Variants in RABGAP1 observed in about 807,000 individuals in gnomAD.
The protein encoded by RABGAP1 is RAB GTPase activating protein 1.
A neutral mutation model predicts 137.6 loss-of-function variants in RABGAP1; 23 were observed. The observed-to-expected ratio is 0.17, with a 90% CI of 0.12 to 0.24. The LOEUF is 0.24. Ranked by LOEUF, RABGAP1 falls within the 10% of genes least tolerant of loss-of-function variation. RABGAP1 has a pLI of 1.00. For missense variants in RABGAP1, 906 were observed against 1,275.8 expected (o/e 0.71, Z 4.42); for synonymous variants, 451 against 450.7 (o/e 1.00, Z -0.01).
intron 11 of RABGAP1, among the ~76,000 whole-genome samples, chr9:123,014,624 C>A (rs1462927586): frequency 6.6e-6 from 1 of 150,520 alleles, no homozygotes; most frequent in Non-Finnish European, 1.5e-5. Flanking sequence ...CATACCCGAC[C>A]GAGACTGAGT....
Position 123,021,330 on chromosome 9 carries a change from C to CTT in RABGAP1, c.1794+889_1794+890dup, listed in dbSNP as rs397944903. Among the ~76,000 whole-genome samples, 137 of 111,914 alleles carry CTT rather than the reference C, an allele frequency of 1.2e-3. 1 individual carries two copies. Among genetic ancestry groups the CTT allele is most frequent in the Middle Eastern group, 5.0e-3 (1 of 202 alleles). 73.4% of individuals were successfully genotyped at this position (111,914 alleles called of 152,430 possible). A position where few individuals can be genotyped will look rare whatever the true frequency, so the allele number is the denominator to read the frequency against. On this transcript the variant is annotated intron_variant, in intron 13 of 25. Coordinates refer to ENST00000373647, the MANE Select transcript of RABGAP1 (RefSeq NM_012197.4). ...AAAAACCTTATAAGGGAAGAGCAGG[C>CTT]TTTTTTTTTTTTTTTTTTTGAAATA...
At chr9:123,019,806 C>T in intron 12 of RABGAP1, among the ~76,000 whole-genome samples, 1 of 152,130 alleles carries the variant, frequency 6.6e-6, no homozygotes, top group Non-Finnish European at 1.5e-5. Context: ...TCTTCTGCCT[C>T]AGTCTCTTGA....
Position 123,089,802 on chromosome 9 carries a change from C to T in RABGAP1, c.2469C>T (p.Thr823=), listed in dbSNP as rs781754279. 6.2e-7 allele frequency: 1 copy of T among 1,613,760 alleles called. No homozygotes were observed. Residue 823 remains threonine, a synonymous_variant, in exon 20 of 26, where the codon ACC becomes ACT. Transcript: ENST00000373647. Reference sequence around the variant, plus strand: ...AAAAATACGAGAAAGAATATCACACCATGAGGGAACAGCAGGCCCAGCAAG... The same window carrying T: ...AAAAATACGAGAAAGAATATCACACTATGAGGGAACAGCAGGCCCAGCAAG... The part of the protein sequence containing the change: ...KLKKYEKEYH[T]MREQQAQQED...
In RABGAP1 at chr9:122,990,095, C is replaced by T. The variant is rs374750137; in HGVS notation, c.805C>T (p.Arg269Cys). 3.9e-5 allele frequency: 63 copies of T among 1,610,680 alleles called. No homozygotes were observed. In the Middle Eastern group the frequency reaches 8.2e-4, roughly 21 times the overall value. ...ILYSFATAFR[R>C]SAKQTPLSAT... ...TTACAGTTTTGCCACTGCCTTCCGC[C>T]GTTCTGCCAAGCAGACCCCACTTTC... is the stretch of plus-strand genomic sequence containing the variant. Residue 269 changes from arginine to cysteine, a missense_variant, in exon 6 of 26, where the codon CGT becomes TGT. By Grantham distance (180) the Arg-to-Cys change is radical. Transcript: ENST00000373647.
intron 10 of RABGAP1, among the ~76,000 whole-genome samples, chr9:123,000,373 C>G (rs1837255218): frequency 6.6e-6 from 1 of 152,118 alleles, no homozygotes; most frequent in Non-Finnish European, 1.5e-5. Context: ...CCCAGTTGTT[C>G]TACCACCTAC....
At chr9:122,981,539 C>A (rs1206907377) in intron 2 of RABGAP1, among the ~76,000 whole-genome samples, 1 of 152,136 alleles carries the variant, frequency 6.6e-6, no homozygotes, top group African/African-American at 2.4e-5. Context: ...TCACTATGAT[C>A]TGGGAGGTTT....
At chr9:122,999,439 C>T (rs1335783831) in intron 10 of RABGAP1, among the ~76,000 whole-genome samples, 1 of 152,040 alleles carries the variant, frequency 6.6e-6, no homozygotes, top group Non-Finnish European at 1.5e-5. Context: ...CATCCGCCCA[C>T]CTCAGCCTCC....
At chr9:122,989,204 T>G in intron 4 of RABGAP1, 93 bp from the exon 5 acceptor site, 1 of 1,154,542 alleles carries the variant, frequency 8.7e-7, no homozygotes, top group Non-Finnish European at 1.3e-6. Flanking sequence ...TATGATCTTC[T>G]TACTAGAAAG....
chr9:122,981,967 T>C (rs1159864414), intron 2 of RABGAP1, among the ~76,000 whole-genome samples: 2 of 151,444 alleles, frequency 1.3e-5, no homozygotes, highest in East Asian at 3.9e-4. Context: ...AAGAATTGCC[T>C]GAACCTGGGA....
chr9:123,005,977 T>C (rs1403350889), intron 10 of RABGAP1, among the ~76,000 whole-genome samples: 1 of 152,230 alleles, frequency 6.6e-6, no homozygotes, highest in East Asian at 1.9e-4. Flanking sequence ...CTCTGCCTTT[T>C]TAATGTATAA....
At position 123,074,403 on chromosome 9, in the gene RABGAP1, A is replaced by T; in HGVS notation, c.2228A>T (p.His743Leu). The T allele has an allele frequency of 6.2e-7, 1 of 1,613,446 alleles. No individual in the cohort carries two copies. The highest frequency in any genetic ancestry group is 8.5e-7 in the Non-Finnish European group (1 of 1,179,516). Residue 743 changes from histidine to leucine, a missense_variant, in exon 17 of 26, where the codon CAT becomes CTT. By Grantham distance (99) the His-to-Leu change is moderately conservative (BLOSUM62 -3). Transcript: ENST00000373647. Reference protein sequence around the residue: ...TAKFPLYMVFHIIDLLLCEGI... With the variant: ...TAKFPLYMVFLIIDLLLCEGI... ...AAATTCCCTCTCTACATGGTCTTCC[A>T]TATCATCGACCTGCTTTTATGTGAG...
At chr9:123,043,359 T>C (rs1469886117) in intron 13 of RABGAP1, among the ~76,000 whole-genome samples, 1 of 152,020 alleles carries the variant, frequency 6.6e-6, no homozygotes, top group Admixed American at 6.5e-5. Flanking sequence ...CACTAGGAGG[T>C]ATGTCTCTAG....
At chr9:123,015,813 A>C (rs1426404766) in intron 12 of RABGAP1, among the ~76,000 whole-genome samples, 177 bp downstream of exon 12, 1 of 152,256 alleles carries the variant, frequency 6.6e-6, no homozygotes, top group African/African-American at 2.4e-5. Flanking sequence ...ATCAATTTTC[A>C]GAATATCAGG....
chr9:122,965,596 C>G (rs1481146131), intron 2 of RABGAP1, among the ~76,000 whole-genome samples: 2 of 152,146 alleles, frequency 1.3e-5, no homozygotes, highest in East Asian at 3.9e-4. Context: ...GTTGGCCATG[C>G]TGGTCTCGAA....
chr9:123,069,416 C>A (rs1286813564), intron 14 of RABGAP1, among the ~76,000 whole-genome samples: 1 of 152,112 alleles, frequency 6.6e-6, no homozygotes, highest in Non-Finnish European at 1.5e-5. Flanking sequence ...ACAAAGCCTA[C>A]CATCTGGCAG....
intron 13 of RABGAP1, among the ~76,000 whole-genome samples, chr9:123,048,728 C>G (rs1453170757): frequency 1.3e-5 from 2 of 152,156 alleles, no homozygotes; most frequent in Non-Finnish European, 2.9e-5. Context: ...TGACTATCAC[C>G]ACCTCTTAAA....
intron 2 of RABGAP1, among the ~76,000 whole-genome samples, chr9:122,968,800 A>G (rs1835314644): frequency 6.6e-6 from 1 of 151,994 alleles, no homozygotes; most frequent in African/African-American, 2.4e-5. Context: ...TTCTTAGTAG[A>G]GACGGGGTTT....
intron 4 of RABGAP1, among the ~76,000 whole-genome samples, chr9:122,986,679 A>C (rs1836388441): frequency 6.6e-6 from 1 of 152,226 alleles, no homozygotes; most frequent in Non-Finnish European, 1.5e-5. Context: ...AAATATATTG[A>C]CATGAGTCAG....
At chr9:122,944,651 A>G (rs1248132357) in intron 1 of RABGAP1, among the ~76,000 whole-genome samples, 7 of 151,112 alleles carry the variant, frequency 4.6e-5, no homozygotes, top group Non-Finnish European at 1.0e-4. Context: ...GCTCACTGCA[A>G]CCTCCGCCTT....
Sources: allele counts gnomAD v4.1 joint callset (sites outside exome capture counted in the v4.1 genomes callset), GRCh38; gene constraint gnomAD v4.1.1; transcripts MANE v1.5; gene names NCBI Gene and HGNC (gene_info 2026-07-23, HGNC 2026-07-21).